The following SPIRE1 variants were observed in gnomAD, a reference collection of about 807,000 sequenced individuals.
The protein encoded by SPIRE1 is spire type actin nucleation factor 1.
A neutral mutation model predicts 94.1 loss-of-function variants in SPIRE1; 40 were observed. The ratio of observed to expected loss-of-function variants is 0.43; its 90% confidence interval spans 0.33 to 0.55. The LOEUF (loss-of-function observed/expected upper bound fraction) is 0.55, where lower values mean the gene tolerates loss of function less well. Ranked by LOEUF, SPIRE1 falls within the 20% of genes least tolerant of loss-of-function variation. The pLI, the probability that SPIRE1 is intolerant of heterozygous loss-of-function variation, is 0.06. For missense variants in SPIRE1, 838 were observed against 975.2 expected (o/e 0.86, Z 1.87); for synonymous variants, 376 against 371.7 (o/e 1.01, Z -0.13).
At chr18:12,630,364 G>C (rs1567978760) in intron 2 of SPIRE1, among the ~76,000 whole-genome samples, 1 of 152,148 alleles carries the variant, frequency 6.6e-6, no homozygotes, top group East Asian at 1.9e-4. Flanking sequence ...TGAATAAAAT[G>C]TAAATAATTT....
chr18:12,536,491 T>C (rs2034843973), intron 3 of SPIRE1, among the ~76,000 whole-genome samples: 1 of 150,380 alleles, frequency 6.6e-6, no homozygotes, highest in Non-Finnish European at 1.5e-5. Context: ...TTCCAATACA[T>C]GTCGAATTTT....
At chr18:12,551,731 G>A (rs1248863698) in intron 2 of SPIRE1, among the ~76,000 whole-genome samples, 3 of 151,722 alleles carry the variant, frequency 2.0e-5, no homozygotes, top group African/African-American at 4.8e-5. Flanking sequence ...GGGCGGGAGA[G>A]GGGTGGAGCA....
intron 2 of SPIRE1, among the ~76,000 whole-genome samples, chr18:12,627,686 G>A (rs184955818): frequency 6.6e-5 from 10 of 152,250 alleles, no homozygotes; most frequent in South Asian, 2.1e-4. Flanking sequence ...GTGTAAAAGC[G>A]TTCCTATTTC....
intron 2 of SPIRE1, among the ~76,000 whole-genome samples, chr18:12,547,913 T>C (rs111764486): frequency 4.7e-5 from 6 of 128,748 alleles, no homozygotes; most frequent in African/African-American, 1.6e-4. Flanking sequence ...CAAAACTCTA[T>C]CTCATAAAAA....
At chr18:12,587,690 C>T (rs1277166870) in intron 2 of SPIRE1, among the ~76,000 whole-genome samples, 2 of 152,080 alleles carry the variant, frequency 1.3e-5, no homozygotes, top group Admixed American at 6.6e-5. Context: ...ACTGGTCTAA[C>T]AACTACACTG....
intron 2 of SPIRE1, among the ~76,000 whole-genome samples, chr18:12,624,029 T>C (rs1046426248): frequency 6.6e-6 from 1 of 151,178 alleles, no homozygotes; most frequent in East Asian, 2.0e-4. Flanking sequence ...GTTCAAGCCA[T>C]TCTCCTGCCT....
chr18:12,466,370 G>A (rs550825980), intron 10 of SPIRE1, among the ~76,000 whole-genome samples: 38 of 152,058 alleles, frequency 2.5e-4, no homozygotes, highest in Admixed American at 4.6e-4. Context: ...TCCGCCTCCC[G>A]GGCTCAAGCA....
intron 3 of SPIRE1, among the ~76,000 whole-genome samples, chr18:12,546,004 T>C (rs979302905): frequency 6.6e-6 from 1 of 152,182 alleles, no homozygotes; most frequent in Non-Finnish European, 1.5e-5. Flanking sequence ...TTATTATTAT[T>C]ATTGAGACGG....
At chr18:12,516,589 C>T (rs1308846930) in intron 4 of SPIRE1, among the ~76,000 whole-genome samples, 3 of 152,196 alleles carry the variant, frequency 2.0e-5, no homozygotes, top group Non-Finnish European at 4.4e-5. Context: ...CATCTCTCCC[C>T]TACTCTGCCC....
chr18:12,604,164 G>C (rs118026731), intron 2 of SPIRE1, among the ~76,000 whole-genome samples: 78 of 152,258 alleles, frequency 5.1e-4, no homozygotes, highest in Non-Finnish European at 9.4e-4. Flanking sequence ...TCAGTGTATC[G>C]AGTAGGGGGA....
At chr18:12,538,598 T>A (rs1319424394) in intron 3 of SPIRE1, among the ~76,000 whole-genome samples, 1 of 152,132 alleles carries the variant, frequency 6.6e-6, no homozygotes, top group Non-Finnish European at 1.5e-5. Context: ...AGGCCAGCCC[T>A]TTATGTTAAC....
intron 4 of SPIRE1, among the ~76,000 whole-genome samples, chr18:12,514,681 T>C (rs1029840658): frequency 1.3e-5 from 2 of 152,330 alleles, no homozygotes; most frequent in South Asian, 4.1e-4. Context: ...TGTTCTCCTC[T>C]AAATTCAGAA....
intron 4 of SPIRE1, among the ~76,000 whole-genome samples, chr18:12,528,104 T>G (rs945145337): frequency 1.3e-5 from 2 of 151,528 alleles, no homozygotes; most frequent in African/African-American, 2.4e-5. Flanking sequence ...AACTCTAATA[T>G]TTATTAGGTT....
At chr18:12,519,605 T>C (rs1458895042) in intron 4 of SPIRE1, among the ~76,000 whole-genome samples, 1 of 152,220 alleles carries the variant, frequency 6.6e-6, no homozygotes, top group African/African-American at 2.4e-5. Context: ...ACAAAGTTAT[T>C]TTCTTAATAA....
rs1200001809 is a variant in SPIRE1 at position 12,457,305 on chromosome 18, GATAA to G, written c.1639-2826_1639-2823del. Among the ~76,000 whole-genome samples, 15 of 152,246 alleles carry G rather than the reference GATAA, an allele frequency of 9.9e-5. No homozygotes were observed. In the East Asian group the frequency reaches 1.9e-3, roughly 20 times the overall value. Reference sequence around the variant, plus strand: ...ACTTTAATGCAACATAAAAGAAAATGATAAATAGTTACTAAAATAGTTTTAATTA... The same window carrying G: ...ACTTTAATGCAACATAAAAGAAAATGATAGTTACTAAAATAGTTTTAATTA... On this transcript the variant is annotated intron_variant, in intron 12 of 16. Coordinates refer to ENST00000409402, the MANE Select transcript of SPIRE1 (RefSeq NM_001128626.2).
chr18:12,657,612 G>A lies in SPIRE1; in HGVS notation c.255C>T (p.Ala85=), dbSNP rs1253898091. ...CGTCCCTCCAGACGCGGATCTGCGCGGCCGAGCGCACACGGTGGCGGGGCT... is the reference window on the plus strand; with the variant it reads ...CGTCCCTCCAGACGCGGATCTGCGCAGCCGAGCGCACACGGTGGCGGGGCT... ...RRQPRHRVRS[A]AQIRVWRDGA... is the part of the protein sequence containing the mutation. The change falls in exon 1 of 17, where the codon GCC becomes GCT. Residue 85 remains alanine, a synonymous_variant. Transcript: ENST00000409402. 60 of 1,283,238 alleles carry A rather than the reference G, an allele frequency of 4.7e-5. No individual in the cohort carries two copies. Among genetic ancestry groups the A allele is most frequent in the Non-Finnish European group, 5.9e-5 (60 of 1,018,664 alleles). 79.5% of individuals were successfully genotyped at this position (1,283,238 alleles called of 1,614,324 possible). A position where few individuals can be genotyped will look rare whatever the true frequency, so the allele number is the denominator to read the frequency against.
At chr18:12,464,807 A>C in intron 11 of SPIRE1, 61 bp downstream of exon 11, 1 of 1,402,324 alleles carries the variant, frequency 7.1e-7, no homozygotes, top group Non-Finnish European at 1.0e-6. Flanking sequence ...TCTCTGCTCT[A>C]GGTCAAGTGT....
At chr18:12,583,046 G>A (rs564808423) in intron 2 of SPIRE1, among the ~76,000 whole-genome samples, 3 of 152,296 alleles carry the variant, frequency 2.0e-5, no homozygotes, top group African/African-American at 7.2e-5. Flanking sequence ...AGGAATGCAT[G>A]CTTGATACTG....
chr18:12,540,119 C>T (rs1297326704), intron 3 of SPIRE1, among the ~76,000 whole-genome samples: 1 of 151,950 alleles, frequency 6.6e-6, no homozygotes, highest in Non-Finnish European at 1.5e-5. Context: ...CATGGGAGGG[C>T]CAGTGGCTCC....
Sources: gnomAD v4.1 joint callset for allele counts (sites outside exome capture counted in the v4.1 genomes callset) on GRCh38, gnomAD v4.1.1 for gene constraint, MANE v1.5 for transcripts, NCBI Gene and HGNC (gene_info 2026-07-23, HGNC 2026-07-21) for gene names.